The following NLN variants were observed in gnomAD, a reference collection of about 807,000 sequenced individuals.
The protein encoded by NLN is neurolysin, mitochondrial.
NLN carries 64 observed loss-of-function variants against 79.9 expected under a neutral mutation model. The observed-to-expected ratio is 0.80, with a 90% CI of 0.65 to 0.99. The LOEUF (loss-of-function observed/expected upper bound fraction) is 0.99. Ranked by LOEUF, NLN falls within the 50% of genes least tolerant of loss-of-function variation. The probability of loss-of-function intolerance (pLI) is 0.00; values close to 1 mark genes in which losing one functional copy is unlikely to be tolerated. For missense variants in NLN, 835 were observed against 858.7 expected, an observed-to-expected ratio of 0.97 and a Z score of 0.34; for synonymous variants, 267 against 296.6, an observed-to-expected ratio of 0.90 and a Z score of 1.02.
chr5:65,737,301 T>C (rs1758748775), intron 1 of NLN, among the ~76,000 whole-genome samples: 2 of 152,136 alleles, frequency 1.3e-5, no homozygotes, highest in South Asian at 4.1e-4. Flanking sequence ...AATAAATCTC[T>C]AAATGGTAAC....
chr5:65,738,609 A>G lies in NLN; in HGVS notation c.41+16195A>G. On this transcript the variant is annotated intron_variant, in intron 1 of 12. Transcript: ENST00000380985. ...AATAAAACAAAGAAAAAAGAATACA[A>G]TATATTGTTAACTATAATCATCATG... Among the ~76,000 whole-genome samples the G allele has an allele frequency of 1.3e-5, 2 of 151,972 alleles. 1 individual carries two copies.
At chr5:65,731,318 C>T (rs1462523451) in intron 1 of NLN, among the ~76,000 whole-genome samples, 1 of 152,212 alleles carries the variant, frequency 6.6e-6, no homozygotes, top group Non-Finnish European at 1.5e-5. Flanking sequence ...AGTGGGGAAA[C>T]AGACTCTATC....
intron 2 of NLN, among the ~76,000 whole-genome samples, chr5:65,760,529 T>C (rs529452122): frequency 6.6e-6 from 1 of 152,194 alleles, no homozygotes; most frequent in Non-Finnish European, 1.5e-5. Flanking sequence ...ACTTAGGCAT[T>C]TGAGACAAAG....
rs150335984 is a variant in NLN, at chr5:65,791,284, A to C, written c.1326-1170A>C. On this transcript the variant is annotated intron_variant, in intron 8 of 12. Coordinates refer to ENST00000380985, the MANE Select transcript of NLN (RefSeq NM_020726.5). ...TAAAAATACAAAAATTAGGCTGTGC[A>C]CAGTGACTCACACCTATAGTCCCAG... Among the ~76,000 whole-genome samples, 781 of 152,172 alleles carry C rather than the reference A, an allele frequency of 5.1e-3. 13 individuals are homozygous for C. Among genetic ancestry groups the C allele is most frequent in the African/African-American group, 0.018 (740 of 41,508 alleles).
At chr5:65,808,862 T>G (rs1335262109) in intron 9 of NLN, among the ~76,000 whole-genome samples, 1 of 152,250 alleles carries the variant, frequency 6.6e-6, no homozygotes, top group Non-Finnish European at 1.5e-5. Context: ...CTACCCAATC[T>G]GAGAGGTAGA....
chr5:65,815,629 T>G (rs1487569723), intron 12 of NLN, among the ~76,000 whole-genome samples: 2 of 152,180 alleles, frequency 1.3e-5, no homozygotes, highest in Non-Finnish European at 2.9e-5. Context: ...ACAGCAATAA[T>G]GGACCTGGCT....
At chr5:65,812,415 T>C (rs201932335) in intron 12 of NLN, 24 bp downstream of exon 12, 17 of 1,462,442 alleles carry the variant, frequency 1.2e-5, no homozygotes, top group Middle Eastern at 2.1e-4. Flanking sequence ...TTTCTCCTTT[T>C]ATTAATTTTG....
chr5:65,798,166 G>A (rs1400897917), intron 9 of NLN, among the ~76,000 whole-genome samples: 1 of 152,184 alleles, frequency 6.6e-6, no homozygotes, highest in Non-Finnish European at 1.5e-5. Context: ...CATGTACCAG[G>A]TGCCAGGAAA....
chr5:65,771,167 C>T lies in NLN; in HGVS notation c.451-6260C>T, dbSNP rs895720222. Among the ~76,000 whole-genome samples, 8 of 151,808 alleles carry T rather than the reference C, an allele frequency of 5.3e-5. No homozygotes were observed. The East Asian group carries it at 1.5e-3, about 29-fold the overall frequency. ...CATATATTAAATGTATCCTTAATTC[C>T]ACTAAGAAAAAAAAAGAGAAAAAGC... On this transcript the variant is annotated intron_variant, in intron 3 of 12. Coordinates refer to ENST00000380985, the MANE Select transcript of NLN (RefSeq NM_020726.5).
chr5:65,792,509 C>T lies in NLN; in HGVS notation c.1381C>T (p.Pro461Ser), dbSNP rs968290156. ...CFGLQPGCLLPDGSRMMAVAA... is the reference protein window; with the variant it reads ...CFGLQPGCLLSDGSRMMAVAA... ...CGGTCTCCAGCCTGGCTGCCTTCTG[C>T]CTGATGGAAGCCGGATGATGGCAGT... Residue 461 changes from proline to serine, a missense_variant, in exon 9 of 13, where the codon CCT becomes TCT. Transcript: ENST00000380985. The T allele has an allele frequency of 1.2e-6, 2 of 1,614,026 alleles. No individual in the cohort carries two copies. The highest frequency in any genetic ancestry group is 1.7e-6 in the Non-Finnish European group (2 of 1,180,026).
intron 3 of NLN, among the ~76,000 whole-genome samples, chr5:65,764,372 C>T (rs1759406351): frequency 1.3e-5 from 2 of 152,018 alleles, no homozygotes; most frequent in East Asian, 1.9e-4. Flanking sequence ...ACTAAAAATA[C>T]AAAAATTAGC....
intron 1 of NLN, among the ~76,000 whole-genome samples, chr5:65,730,461 C>T (rs1055229480): frequency 6.6e-6 from 1 of 151,732 alleles, no homozygotes; most frequent in Non-Finnish European, 1.5e-5. Context: ...ACCATTGTGA[C>T]TAGCATGGAA....
intron 9 of NLN, among the ~76,000 whole-genome samples, chr5:65,802,191 A>G (rs1042913132): frequency 3.9e-5 from 6 of 152,200 alleles, no homozygotes; most frequent in African/African-American, 9.6e-5. Context: ...AGCTCGCACT[A>G]CTGGCCTGGA....
intron 6 of NLN, among the ~76,000 whole-genome samples, chr5:65,784,354 C>G (rs540722902): frequency 6.6e-6 from 1 of 151,884 alleles, no homozygotes; most frequent in East Asian, 1.9e-4. Context: ...GGAAAAATCC[C>G]TGAAACATTT....
At chr5:65,767,540 G>T (rs1305628231) in intron 3 of NLN, among the ~76,000 whole-genome samples, 5 of 152,198 alleles carry the variant, frequency 3.3e-5, no homozygotes, top group Non-Finnish European at 5.9e-5. Flanking sequence ...GGGCTGTTGT[G>T]AAGACCTCTG....
chr5:65,788,718 T>C (rs1345267897), intron 8 of NLN, among the ~76,000 whole-genome samples: 1 of 152,144 alleles, frequency 6.6e-6, no homozygotes, highest in East Asian at 1.9e-4. Flanking sequence ...ATGCCTGTAG[T>C]CCCAGCACTT....
At chr5:65,732,641 G>C (rs567555321) in intron 1 of NLN, among the ~76,000 whole-genome samples, 1 of 142,896 alleles carries the variant, frequency 7.0e-6, no homozygotes, top group African/African-American at 2.6e-5. Flanking sequence ...GTGGTTTGCA[G>C]ACGCGGGCAC....
intron 8 of NLN, among the ~76,000 whole-genome samples, chr5:65,790,876 C>T (rs1760043019): frequency 6.6e-6 from 1 of 152,148 alleles, no homozygotes; most frequent in Non-Finnish European, 1.5e-5. Context: ...TTCTTTCCAG[C>T]GTCAAATAAC....
intron 1 of NLN, among the ~76,000 whole-genome samples, chr5:65,739,810 A>C (rs1758832510): frequency 6.6e-6 from 1 of 152,008 alleles, no homozygotes; most frequent in South Asian, 2.1e-4. Context: ...TGCTTTTGAG[A>C]AATGTCTGTT....
Sources: gnomAD v4.1 joint callset for allele counts (sites outside exome capture counted in the v4.1 genomes callset) on GRCh38, gnomAD v4.1.1 for gene constraint, MANE v1.5 for transcripts, NCBI Gene and HGNC (gene_info 2026-07-23, HGNC 2026-07-21) for gene names.